The following AKR1C8 variants were observed in gnomAD, a reference collection of about 807,000 sequenced individuals.
The protein encoded by AKR1C8 is aldo-keto reductase family 1 member C-like protein 1.
chr10:5,171,387 C>T, the AKR1C8 span, among the ~76,000 whole-genome samples: 1 of 151,966 alleles, frequency 6.6e-6, no homozygotes, highest in Admixed American at 6.6e-5. Flanking sequence ...TGATAATACA[C>T]ACTAAGATAT....
At chr10:5,125,103 A>T in the AKR1C8 span, among the ~76,000 whole-genome samples, 1 of 151,778 alleles carries the variant, frequency 6.6e-6, no homozygotes, top group Admixed American at 6.6e-5. Context: ...AACATCTCTC[A>T]TTGTTGTATA....
the AKR1C8 span, among the ~76,000 whole-genome samples, chr10:5,127,110 C>A: frequency 1.2e-4 from 18 of 151,916 alleles, no homozygotes; most frequent in Non-Finnish European, 2.6e-4. Flanking sequence ...AGCAATAAAT[C>A]CAAACTAAGA....
At chr10:5,134,967 T>C in the AKR1C8 span, among the ~76,000 whole-genome samples, 14 of 152,128 alleles carry the variant, frequency 9.2e-5, no homozygotes, top group Non-Finnish European at 1.9e-4. Flanking sequence ...CAGACCCCAA[T>C]GCAGAACAAA....
the AKR1C8 span, chr10:5,122,104 G>A: frequency 3.9e-5 from 14 of 362,870 alleles, no homozygotes; most frequent in Middle Eastern, 9.1e-4. Context: ...TTAGCATGTC[G>A]GAGATTTCCG....
chr10:5,162,266 T>C, the AKR1C8 span, among the ~76,000 whole-genome samples: 1 of 152,172 alleles, frequency 6.6e-6, no homozygotes, highest in Non-Finnish European at 1.5e-5. Flanking sequence ...TCCACCAAAA[T>C]GAGTCAAGAA....
chr10:5,183,738 T>C, the AKR1C8 span, among the ~76,000 whole-genome samples: 1 of 151,762 alleles, frequency 6.6e-6, no homozygotes, highest in African/African-American at 2.4e-5. Context: ...TAAAACTCCT[T>C]TAAACAGAGA....
chr10:5,141,025 C>T, the AKR1C8 span, among the ~76,000 whole-genome samples: 1 of 152,104 alleles, frequency 6.6e-6, no homozygotes. Flanking sequence ...TGTTTGACAG[C>T]TTACACAGTG....
the AKR1C8 span, chr10:5,122,190 A>G: frequency 1.9e-5 from 7 of 369,732 alleles, no homozygotes; most frequent in Non-Finnish European, 3.9e-5. Context: ...CGATACTCAC[A>G]TTCACCTTTC....
chr10:5,135,123 T>G, the AKR1C8 span: 1 of 215,676 alleles, frequency 4.6e-6, no homozygotes, highest in Non-Finnish European at 1.0e-5. Flanking sequence ...TGCCCAACAC[T>G]GAAAATATGA....
At chr10:5,124,551 CAAGG>C in the AKR1C8 span, among the ~76,000 whole-genome samples, 1 of 151,754 alleles carries the variant, frequency 6.6e-6, no homozygotes, top group African/African-American at 2.4e-5. Context: ...TTTAAAGCCC[CAAGG>C]AAGGAACAAA....
chr10:5,163,357 T>C, the AKR1C8 span, among the ~76,000 whole-genome samples: 2 of 152,206 alleles, frequency 1.3e-5, no homozygotes, highest in East Asian at 1.9e-4. Flanking sequence ...CAACTGGCCC[T>C]GTCTGACAGC....
the AKR1C8 span, among the ~76,000 whole-genome samples, chr10:5,169,285 C>A: frequency 6.6e-6 from 1 of 152,136 alleles, no homozygotes; most frequent in African/African-American, 2.4e-5. Flanking sequence ...TAATTCCAGA[C>A]CCTATAGTTA....
chr10:5,149,520 G>C, the AKR1C8 span, among the ~76,000 whole-genome samples: 3 of 152,116 alleles, frequency 2.0e-5, no homozygotes, highest in East Asian at 3.9e-4. Context: ...GCATAAATTG[G>C]TTTATTTTCT....
the AKR1C8 span, among the ~76,000 whole-genome samples, chr10:5,168,189 C>G: frequency 6.6e-6 from 1 of 152,030 alleles, no homozygotes; most frequent in South Asian, 2.1e-4. Context: ...TATGTGCAAG[C>G]TTCTTTGCCC....
the AKR1C8 span, among the ~76,000 whole-genome samples, chr10:5,162,386 A>G: frequency 6.6e-6 from 1 of 152,234 alleles, no homozygotes; most frequent in East Asian, 1.9e-4. Flanking sequence ...AAACACACAC[A>G]GGGTGCATCC....
At chr10:5,133,129 C>T in the AKR1C8 span, among the ~76,000 whole-genome samples, 1 of 152,140 alleles carries the variant, frequency 6.6e-6, no homozygotes. Flanking sequence ...GTCACCCAGG[C>T]TAGAGTACAG....
the AKR1C8 span, among the ~76,000 whole-genome samples, chr10:5,139,662 A>T: frequency 1.3e-5 from 2 of 152,338 alleles, no homozygotes; most frequent in African/African-American, 4.8e-5. Context: ...AACATGGATT[A>T]AAGACTTAAA....
chr10:5,148,666 T>A, the AKR1C8 span, among the ~76,000 whole-genome samples: 1 of 152,122 alleles, frequency 6.6e-6, no homozygotes, highest in African/African-American at 2.4e-5. Flanking sequence ...AAATTGTGCA[T>A]TTGTCTTGCG....
At chr10:5,142,787 G>A in the AKR1C8 span, among the ~76,000 whole-genome samples, 2 of 152,146 alleles carry the variant, frequency 1.3e-5, no homozygotes, top group South Asian at 2.1e-4. Context: ...TAATAATACA[G>A]TGGAAGTTTG....
Sources: gnomAD v4.1 joint callset for allele counts (sites outside exome capture counted in the v4.1 genomes callset) on GRCh38, gnomAD v4.1.1 for gene constraint, MANE v1.5 for transcripts, NCBI Gene and HGNC (gene_info 2026-07-23, HGNC 2026-07-21) for gene names.